Variants in RBFOX1 observed in about 807,000 individuals in gnomAD.
RBFOX1 encodes RNA binding fox-1 homolog 1.
Under a neutral mutation model 57.7 loss-of-function variants are expected in RBFOX1, and 8 were observed. That is an observed-to-expected ratio of 0.14 (90% CI 0.08 to 0.25). The LOEUF (loss-of-function observed/expected upper bound fraction) is 0.25, where lower values mean the gene tolerates loss of function less well. Among genes scored for constraint, RBFOX1 ranks in the 10% least tolerant of loss-of-function variants. RBFOX1 has a pLI of 1.00. For missense variants in RBFOX1, 611 were observed against 548.5 expected, an observed-to-expected ratio of 1.11 and a Z score of -1.14; for synonymous variants, 326 against 222.4, an observed-to-expected ratio of 1.47 and a Z score of -4.15.
At chr16:5,908,179 C>G (rs964692422) in intron 4 of RBFOX1, among the ~76,000 whole-genome samples, 1 of 98,946 alleles carries the variant, frequency 1.0e-5, no homozygotes, top group Non-Finnish European at 2.2e-5. Flanking sequence ...CATATATACA[C>G]ATATATACAC....
chr16:6,025,913 A>G (rs1238820282), intron 1 of RBFOX1, among the ~76,000 whole-genome samples: 1 of 152,194 alleles, frequency 6.6e-6, no homozygotes, highest in Non-Finnish European at 1.5e-5. Flanking sequence ...TGAACATCAG[A>G]ATAAGTGTAC....
intron 2 of RBFOX1, among the ~76,000 whole-genome samples, chr16:5,500,748 C>G (rs1196401038): frequency 1.3e-5 from 2 of 152,206 alleles, no homozygotes; most frequent in African/African-American, 4.8e-5. Flanking sequence ...AGTGCAGCCT[C>G]TAATTCCATA....
intron 2 of RBFOX1, among the ~76,000 whole-genome samples, chr16:6,412,988 A>T (rs1471257009): frequency 5.3e-5 from 8 of 152,192 alleles, no homozygotes; most frequent in Non-Finnish European, 1.0e-4. Flanking sequence ...CTTTAATATT[A>T]TTGAGAAAAA....
At chr16:5,279,434 A>G (rs915112735) in intron 1 of RBFOX1, among the ~76,000 whole-genome samples, 1 of 151,954 alleles carries the variant, frequency 6.6e-6, no homozygotes, top group African/African-American at 2.4e-5. Flanking sequence ...AACATTACTG[A>G]TTTTTGTGTG....
intron 2 of RBFOX1, among the ~76,000 whole-genome samples, chr16:6,615,459 A>G (rs1243145954): frequency 6.6e-6 from 1 of 151,960 alleles, no homozygotes; most frequent in Non-Finnish European, 1.5e-5. Flanking sequence ...AATCCCAACT[A>G]CTTGGGAGGC....
intron 3 of RBFOX1, among the ~76,000 whole-genome samples, chr16:6,773,601 G>T (rs1299894055): frequency 7.4e-6 from 1 of 135,152 alleles, no homozygotes. Context: ...GTGTGTGTGT[G>T]TATGTGCATG....
chr16:5,899,822 G>A (rs951597192), intron 4 of RBFOX1, among the ~76,000 whole-genome samples: 5 of 152,250 alleles, frequency 3.3e-5, no homozygotes, highest in South Asian at 2.1e-4. Context: ...ACCTGCAATC[G>A]CAGCACTTTG....
intron 1 of RBFOX1, among the ~76,000 whole-genome samples, chr16:6,288,490 C>G (rs1474196579): frequency 6.6e-6 from 1 of 152,182 alleles, no homozygotes; most frequent in African/African-American, 2.4e-5. Flanking sequence ...ATCATACATA[C>G]TATTGTACAT....
intron 2 of RBFOX1, among the ~76,000 whole-genome samples, chr16:5,471,873 G>C (rs1567135828): frequency 6.6e-6 from 1 of 152,184 alleles, no homozygotes; most frequent in Non-Finnish European, 1.5e-5. Context: ...CCTTGAAGGG[G>C]GTGTGTTTTG....
intron 1 of RBFOX1, among the ~76,000 whole-genome samples, chr16:6,083,165 C>A (rs980305673): frequency 6.6e-6 from 1 of 152,046 alleles, no homozygotes; most frequent in African/African-American, 2.4e-5. Flanking sequence ...CCTTGCCCAG[C>A]TAAGTTTTTG....
At chr16:7,702,112 C>G (rs1324733004) in intron 14 of RBFOX1, among the ~76,000 whole-genome samples, 1 of 152,164 alleles carries the variant, frequency 6.6e-6, no homozygotes. Flanking sequence ...CCAACATTTT[C>G]TCAAATGGAT....
chr16:7,225,928 A>C (rs74013310), intron 4 of RBFOX1, among the ~76,000 whole-genome samples: 59,625 of 145,260 alleles, frequency 0.41, 13,424 homozygotes, highest in East Asian at 0.67. Context: ...ATAAATGTGA[A>C]TGTCATGTTT....
intron 3 of RBFOX1, among the ~76,000 whole-genome samples, chr16:6,841,399 G>A (rs2093453770): frequency 6.6e-6 from 1 of 152,264 alleles, no homozygotes. Context: ...AGAGCCCAGA[G>A]TGTTAATTGA....
At chr16:7,022,035 T>C (rs1337393797) in intron 3 of RBFOX1, among the ~76,000 whole-genome samples, 1 of 50,146 alleles carries the variant, frequency 2.0e-5, no homozygotes, top group East Asian at 8.3e-4. Context: ...CCCCTTCCCC[T>C]CCCCTTCCCC....
At chr16:7,217,819 A>G (rs1321476227) in intron 4 of RBFOX1, among the ~76,000 whole-genome samples, 1 of 152,174 alleles carries the variant, frequency 6.6e-6, no homozygotes, top group Non-Finnish European at 1.5e-5. Flanking sequence ...CATCTGAAAG[A>G]CTTACAGCAT....
chr16:7,004,195 A>G (rs1245322727), intron 3 of RBFOX1: 1 of 152,118 alleles, frequency 6.6e-6, no homozygotes, highest in African/African-American at 2.4e-5. Context: ...AGAATCTGTA[A>G]TGCATAAGAA....
At chr16:6,868,741 G>C (rs1603634515) in intron 3 of RBFOX1, among the ~76,000 whole-genome samples, 1 of 152,288 alleles carries the variant, frequency 6.6e-6, no homozygotes, top group South Asian at 2.1e-4. Context: ...AAAGTGCTGA[G>C]ATTATAGGCA....
chr16:6,434,299 G>A (rs1416967094), intron 2 of RBFOX1, among the ~76,000 whole-genome samples: 1 of 152,112 alleles, frequency 6.6e-6, no homozygotes, highest in African/African-American at 2.4e-5. Flanking sequence ...GGACATGGAC[G>A]TCTTTGAGAA....
chr16:5,761,988 T>A (rs1474325998), intron 3 of RBFOX1, among the ~76,000 whole-genome samples: 1 of 152,128 alleles, frequency 6.6e-6, no homozygotes, highest in Non-Finnish European at 1.5e-5. Flanking sequence ...GTCTCTGCCC[T>A]TTGTCACCTG....
Sources: gnomAD v4.1 joint callset for allele counts (sites outside exome capture counted in the v4.1 genomes callset) on GRCh38, gnomAD v4.1.1 for gene constraint, MANE v1.5 for transcripts, NCBI Gene and HGNC (gene_info 2026-07-23, HGNC 2026-07-21) for gene names.